Variants in TMOD1 observed in about 807,000 individuals in gnomAD.
TMOD1 encodes tropomodulin-1.
Under a neutral mutation model 40.6 loss-of-function variants are expected in TMOD1, and 17 were observed. The observed-to-expected ratio is 0.42, with a 90% CI of 0.29 to 0.63. The LOEUF is 0.63. Ranked by LOEUF, TMOD1 falls within the 20% of genes least tolerant of loss-of-function variation. The probability of loss-of-function intolerance (pLI) is 0.22; values close to 1 mark genes in which losing one functional copy is unlikely to be tolerated. For missense variants in TMOD1, 391 were observed against 447.6 expected (o/e 0.87, Z 1.14); for synonymous variants, 181 against 175.0 (o/e 1.03, Z -0.27).
chr9:97,503,997 C>T (rs1172811434), intron 1 of TMOD1, among the ~76,000 whole-genome samples: 1 of 152,150 alleles, frequency 6.6e-6, no homozygotes, highest in Non-Finnish European at 1.5e-5. Flanking sequence ...TGGGCAGTGT[C>T]ACTTGCTGTG....
chr9:97,549,324 G>A (rs1256529055), intron 3 of TMOD1, among the ~76,000 whole-genome samples: 2 of 152,164 alleles, frequency 1.3e-5, no homozygotes, highest in Non-Finnish European at 2.9e-5. Context: ...TCTGGCTGCT[G>A]AAGCTCCAGC....
chr9:97,596,225 G>A (rs1053850021), intron 9 of TMOD1, among the ~76,000 whole-genome samples: 15 of 151,916 alleles, frequency 9.9e-5, no homozygotes, highest in Admixed American at 5.2e-4. Context: ...TTGAGCCCTC[G>A]TCACAGTTAT....
At chr9:97,591,203 G>A in intron 8 of TMOD1, 88 bp from the exon 9 acceptor site, 1 of 1,384,884 alleles carries the variant, frequency 7.2e-7, no homozygotes, top group African/African-American at 1.5e-5. Context: ...CTACTCAAGA[G>A]TTTCTGCAGG....
At chr9:97,534,438 C>A (rs1297348688) in intron 2 of TMOD1, among the ~76,000 whole-genome samples, 1 of 152,226 alleles carries the variant, frequency 6.6e-6, no homozygotes, top group Non-Finnish European at 1.5e-5. Context: ...AAACCCACGA[C>A]AGTGAACCTT....
chr9:97,510,536 G>T (rs912817701), intron 1 of TMOD1, among the ~76,000 whole-genome samples: 1 of 152,176 alleles, frequency 6.6e-6, no homozygotes, highest in African/African-American at 2.4e-5. Context: ...CGGTCTACAG[G>T]TTAGCTTTTA....
chr9:97,565,214 G>T (rs1830708520), intron 6 of TMOD1, among the ~76,000 whole-genome samples: 1 of 152,202 alleles, frequency 6.6e-6, no homozygotes, highest in Admixed American at 6.5e-5. Context: ...TCTGCACTGT[G>T]AGCCTGTTGG....
At chr9:97,528,437 A>T (rs1251275260) in intron 2 of TMOD1, among the ~76,000 whole-genome samples, 1 of 152,210 alleles carries the variant, frequency 6.6e-6, no homozygotes, top group East Asian at 1.9e-4. Flanking sequence ...CAGTTCAAAG[A>T]AAAGAGAAGA....
intron 7 of TMOD1, 106 bp downstream of exon 7, chr9:97,566,061 T>C: frequency 1.1e-6 from 1 of 898,862 alleles, no homozygotes; most frequent in South Asian, 1.6e-5. Context: ...AAGAGCTCTA[T>C]GTGGTACAGT....
intron 2 of TMOD1, among the ~76,000 whole-genome samples, chr9:97,543,181 A>G (rs989426332): frequency 6.6e-6 from 1 of 152,268 alleles, no homozygotes; most frequent in African/African-American, 2.4e-5. Flanking sequence ...TTCTGGGGCC[A>G]GAACATGCCC....
intron 1 of TMOD1, among the ~76,000 whole-genome samples, chr9:97,515,881 G>A (rs1423986737): frequency 1.3e-5 from 2 of 152,066 alleles, no homozygotes; most frequent in Non-Finnish European, 2.9e-5. Flanking sequence ...CACGCCCCCG[G>A]GGACATGAAA....
chr9:97,509,505 T>G (rs182170022), intron 1 of TMOD1, among the ~76,000 whole-genome samples: 7 of 121,646 alleles, frequency 5.8e-5, no homozygotes, highest in South Asian at 2.5e-4. Context: ...TAGAGGTTTT[T>G]TTTTTTGTTT....
chr9:97,509,519 G>GT (rs1335547739), intron 1 of TMOD1, among the ~76,000 whole-genome samples: 29 of 75,732 alleles, frequency 3.8e-4, no homozygotes, highest in Admixed American at 2.2e-3. Flanking sequence ...TTTGTTTTTT[G>GT]TTTTTTTTTT....
chr9:97,555,264 C>G (rs977294823), intron 4 of TMOD1, among the ~76,000 whole-genome samples: 1 of 152,186 alleles, frequency 6.6e-6, no homozygotes, highest in African/African-American at 2.4e-5. Flanking sequence ...CCCTTGAGGT[C>G]GGGTTAATCT....
intron 1 of TMOD1, among the ~76,000 whole-genome samples, chr9:97,518,079 G>C (rs1392371748): frequency 6.6e-6 from 1 of 152,158 alleles, no homozygotes. Flanking sequence ...CACCACAGCT[G>C]CCCCAACACC....
chr9:97,582,507 T>G (rs2131283461), intron 8 of TMOD1, among the ~76,000 whole-genome samples: 1 of 144,270 alleles, frequency 6.9e-6, no homozygotes, highest in Non-Finnish European at 1.5e-5. Flanking sequence ...CCATATGAAC[T>G]TTAAAGTAGT....
intron 8 of TMOD1, among the ~76,000 whole-genome samples, chr9:97,580,454 A>C (rs1200055945): frequency 2.0e-5 from 3 of 152,052 alleles, no homozygotes; most frequent in Non-Finnish European, 2.9e-5. Context: ...AAAACACAAA[A>C]AATTAGCTGA....
chr9:97,580,889 A>G (rs1021560976), intron 8 of TMOD1, among the ~76,000 whole-genome samples: 1 of 150,632 alleles, frequency 6.6e-6, no homozygotes, highest in Non-Finnish European at 1.5e-5. Flanking sequence ...AGAATGTTAT[A>G]TATATAATGT....
At chr9:97,587,311 A>G (rs146103997) in intron 8 of TMOD1, among the ~76,000 whole-genome samples, 7 of 152,354 alleles carry the variant, frequency 4.6e-5, no homozygotes, top group Admixed American at 1.3e-4. Flanking sequence ...ACTCTTGTGC[A>G]CAGTGTGCCA....
chr9:97,514,492 A>G (rs1289103241), intron 1 of TMOD1, among the ~76,000 whole-genome samples: 1 of 152,114 alleles, frequency 6.6e-6, no homozygotes, highest in East Asian at 1.9e-4. Flanking sequence ...CAGGGCTCAG[A>G]ACCTCAGCTT....
Sources: allele counts gnomAD v4.1 joint callset (sites outside exome capture counted in the v4.1 genomes callset), GRCh38; gene constraint gnomAD v4.1.1; transcripts MANE v1.5; gene names NCBI Gene and HGNC (gene_info 2026-07-23, HGNC 2026-07-21).